PCDH15: variants seen among roughly 807,000 people sequenced by gnomAD.
PCDH15 encodes the protein protocadherin related 15.
In PCDH15, 129 loss-of-function variants were observed where a neutral mutation model predicts 178.5. The observed-to-expected ratio is 0.72, with a 90% CI of 0.63 to 0.84. The LOEUF is 0.84. Among genes scored for constraint, PCDH15 ranks in the 40% least tolerant of loss-of-function variants. PCDH15 has a pLI of 0.00. For missense variants in PCDH15, 2,230 were observed against 2,099.9 expected (o/e 1.06, Z -1.21); for synonymous variants, 800 against 732.0 (o/e 1.09, Z -1.50).
intron 2 of PCDH15, among the ~76,000 whole-genome samples, chr10:55,432,771 C>T (rs1838916853): frequency 1.8e-5 from 2 of 112,716 alleles, no homozygotes; most frequent in Admixed American, 9.9e-5. Flanking sequence ...CCACAACGCC[C>T]GGCTAATATA....
At chr10:53,936,433 T>C (rs2085578667) in intron 25 of PCDH15, among the ~76,000 whole-genome samples, 1 of 152,172 alleles carries the variant, frequency 6.6e-6, no homozygotes, top group African/African-American at 2.4e-5. Flanking sequence ...GTTATGACTC[T>C]GACCTGCTTC....
chr10:54,161,646 G>A (rs75613773), intron 13 of PCDH15, among the ~76,000 whole-genome samples: 1 of 148,328 alleles, frequency 6.7e-6, no homozygotes, highest in Non-Finnish European at 1.5e-5. Context: ...TCTCATGGGA[G>A]TTTCTTCCTC....
chr10:55,075,457 C>G (rs1310764375), intron 2 of PCDH15, among the ~76,000 whole-genome samples: 3 of 151,330 alleles, frequency 2.0e-5, no homozygotes, highest in African/African-American at 7.3e-5. Flanking sequence ...CCTCTGCCTC[C>G]CGGGTTCAAG....
intron 3 of PCDH15, among the ~76,000 whole-genome samples, chr10:54,853,356 T>C (rs1376432046): frequency 7.8e-5 from 10 of 128,504 alleles, no homozygotes; most frequent in Middle Eastern, 3.7e-3. Context: ...CATATATATA[T>C]ACACACACAC....
intron 1 of PCDH15, among the ~76,000 whole-genome samples, chr10:55,249,872 G>A (rs1027224329): frequency 6.6e-6 from 1 of 151,724 alleles, no homozygotes; most frequent in African/African-American, 2.4e-5. Context: ...AAAAGAAAGT[G>A]CAGATTTTAG....
intron 2 of PCDH15, among the ~76,000 whole-genome samples, chr10:55,449,041 A>T (rs1463214302): frequency 6.6e-6 from 1 of 152,078 alleles, no homozygotes. Flanking sequence ...TTAATATAAT[A>T]TTTGTAATCA....
intron 2 of PCDH15, among the ~76,000 whole-genome samples, chr10:54,925,373 A>G (rs1208011252): frequency 6.6e-6 from 1 of 152,116 alleles, no homozygotes; most frequent in Non-Finnish European, 1.5e-5. Context: ...AAAGTTAGGT[A>G]GTATAATGCC....
At chr10:54,734,331 G>A (rs1173831674) in intron 1 of PCDH15, among the ~76,000 whole-genome samples, 2 of 151,786 alleles carry the variant, frequency 1.3e-5, no homozygotes, top group African/African-American at 2.4e-5. Context: ...GTCATTAGGG[G>A]CATGCAAATT....
At chr10:54,527,047 C>G (rs1211632836) in intron 3 of PCDH15, among the ~76,000 whole-genome samples, 1 of 152,074 alleles carries the variant, frequency 6.6e-6, no homozygotes, top group Non-Finnish European at 1.5e-5. Flanking sequence ...ATGTAATTAG[C>G]AGACAAAATG....
chr10:54,314,651 C>CTTTTCTGCT (rs1287088899), intron 8 of PCDH15, among the ~76,000 whole-genome samples: 1 of 151,988 alleles, frequency 6.6e-6, no homozygotes, highest in African/African-American at 2.4e-5. Context: ...AAGCCCAGTA[C>CTTTTCTGCT]CCAATAGTCA....
intron 2 of PCDH15, among the ~76,000 whole-genome samples, chr10:55,122,579 T>A (rs1010143724): frequency 6.6e-6 from 1 of 152,152 alleles, no homozygotes; most frequent in East Asian, 1.9e-4. Context: ...ATTTGAGTGA[T>A]AAGATCAGTT....
chr10:55,125,766 C>A (rs1474696406), intron 2 of PCDH15, among the ~76,000 whole-genome samples: 2 of 152,064 alleles, frequency 1.3e-5, no homozygotes, highest in Non-Finnish European at 2.9e-5. Context: ...TATAGAGTAG[C>A]AAGAGGCAAG....
rs114447911 is a variant in PCDH15, at chr10:55,377,513, A to G, written c.-155-210862T>C. ...AATTACTATATTTTTTATATTTAGT[A>G]AAATAGCTTACTATATTTAGTAAAA... On this transcript the variant is annotated intron_variant, in intron 2 of 5. Transcript: ENST00000613346. Among the ~76,000 whole-genome samples the G allele has an allele frequency of 4.0e-3, 614 of 152,120 alleles. 9 individuals carry two copies. The highest frequency in any genetic ancestry group is 0.014 in the African/African-American group (587 of 41,562).
chr10:54,923,448 T>G (rs1490832708), intron 2 of PCDH15, among the ~76,000 whole-genome samples: 1 of 138,826 alleles, frequency 7.2e-6, no homozygotes, highest in African/African-American at 2.5e-5. Flanking sequence ...GGGGTTTTCT[T>G]TTCTACCACA....
chr10:54,554,029 C>T (rs1272210054), intron 2 of PCDH15, among the ~76,000 whole-genome samples: 1 of 152,102 alleles, frequency 6.6e-6, no homozygotes, highest in East Asian at 1.9e-4. Context: ...AGTTAAGAGG[C>T]TACTTGGTGA....
chr10:54,192,880 C>T (rs1369786156), intron 11 of PCDH15, among the ~76,000 whole-genome samples: 2 of 152,088 alleles, frequency 1.3e-5, no homozygotes, highest in Admixed American at 1.3e-4. Flanking sequence ...CTCTCCATGC[C>T]CTTTCCTACC....
chr10:53,888,295 T>TATATATATATATAC (rs1564690401), intron 26 of PCDH15, among the ~76,000 whole-genome samples: 2 of 44,616 alleles, frequency 4.5e-5, no homozygotes, highest in South Asian at 1.0e-3. Context: ...TATATACATA[T>TATATATATATATAC]ATATATATAT....
At chr10:54,670,709 A>G (rs2094648581) in intron 1 of PCDH15, among the ~76,000 whole-genome samples, 1 of 152,088 alleles carries the variant, frequency 6.6e-6, no homozygotes, top group South Asian at 2.1e-4. Context: ...CTCCATGTTT[A>G]CTATTGCTAT....
chr10:55,057,212 C>A (rs1841328206), intron 2 of PCDH15, among the ~76,000 whole-genome samples: 1 of 152,224 alleles, frequency 6.6e-6, no homozygotes, highest in South Asian at 2.1e-4. Context: ...TTTAATTTAT[C>A]ATTTGGTCTT....
Sources: allele counts gnomAD v4.1 joint callset (sites outside exome capture counted in the v4.1 genomes callset), GRCh38; gene constraint gnomAD v4.1.1; transcripts MANE v1.5; gene names NCBI Gene and HGNC (gene_info 2026-07-23, HGNC 2026-07-21).